Variants in BTNL8 observed in about 807,000 individuals in gnomAD.
BTNL8 encodes the protein butyrophilin like 8.
Under a neutral mutation model 36.1 loss-of-function variants are expected in BTNL8, and 22 were observed. That is an observed-to-expected ratio of 0.61 (90% CI 0.44 to 0.87). BTNL8 has a LOEUF of 0.87. Among genes scored for constraint, BTNL8 ranks in the 40% least tolerant of loss-of-function variants. The probability of loss-of-function intolerance (pLI) is 0.00; values close to 1 mark genes in which losing one functional copy is unlikely to be tolerated. For synonymous variants in BTNL8, 203 were observed against 235.6 expected (o/e 0.86, Z 1.27); for missense variants, 526 against 616.9 (o/e 0.85, Z 1.56).
At chr5:180,949,568 A>C (rs1759450074) in intron 7 of BTNL8, 1 of 530,382 alleles carries the variant, frequency 1.9e-6, no homozygotes, top group Admixed American at 3.7e-5. Context: ...GGAAGGAAGT[A>C]AAGTCAGGCA....
chr5:180,904,945 T>C (rs1359261543), intron 1 of BTNL8, among the ~76,000 whole-genome samples: 2 of 151,404 alleles, frequency 1.3e-5, no homozygotes, highest in Non-Finnish European at 3.0e-5. Flanking sequence ...TTATTGAGGA[T>C]TTTTGCATCA....
chr5:180,899,442 G>A, intron 1 of BTNL8, 83 bp downstream of exon 1: 4 of 1,466,386 alleles, frequency 2.7e-6, no homozygotes, highest in South Asian at 2.3e-5. Flanking sequence ...TGGAATGAAG[G>A]CATCTTTGTC....
At chr5:180,902,286 C>T (rs1411636914) in intron 1 of BTNL8, 3 of 1,454,386 alleles carry the variant, frequency 2.1e-6, no homozygotes, top group African/African-American at 1.4e-5. Context: ...ACTTTTTCCT[C>T]TGGATAACAT....
rs1249060202 is a variant in BTNL8, at chr5:180,908,606, C to A, written c.70C>A (p.Pro24Thr). 6.2e-7 allele frequency: 1 copy of A among 1,613,824 alleles called. No homozygotes were observed. Among genetic ancestry groups the A allele is most frequent in the Non-Finnish European group, 8.5e-7 (1 of 1,179,876 alleles). ...CACAGGGCAGTGGCAGGTGTTTGGG[C>A]CAGACAAGCCTGTCCAGGCCTTGGT... ...LGSGQWQVFG[P>T]DKPVQALVGE... The change falls in exon 2 of 8, where the codon CCA becomes ACA. Residue 24 changes from proline to threonine, a missense_variant. Around this residue, in one of 2 missense-constraint regions of BTNL8, gnomAD observed 350 missense variants for 324.6 expected, o/e 1.08. Transcript: ENST00000340184.
rs370357739 is a variant in BTNL8, at chr5:180,950,290, A to G, written c.1249A>G (p.Thr417Ala). Residue 417 changes from threonine to alanine, a missense_variant, in exon 8 of 8, where the codon ACC (threonine) becomes GCC (alanine). This residue lies in a region of BTNL8 where 176 missense variants were observed against 292.3 expected (regional missense o/e 0.60). Coordinates refer to ENST00000340184, the MANE Select transcript of BTNL8 (RefSeq NM_001040462.3). ...IGVFLDYECG[T>A]ISFFNINDQS... ...GGTCTTCCTGGACTATGAGTGTGGG[A>G]CCATCTCCTTCTTCAACATAAATGA... 1.0e-5 allele frequency: 15 copies of G among 1,463,482 alleles called. 4 individuals are homozygous for G. The highest frequency in any genetic ancestry group is 1.4e-5 in the Non-Finnish European group (15 of 1,059,100). 90.7% of individuals were successfully genotyped at this position (1,463,482 alleles called of 1,614,324 possible).
At chr5:180,909,843 C>T (rs1461817279) in intron 2 of BTNL8, 1 of 152,606 alleles carries the variant, frequency 6.6e-6, no homozygotes, top group Non-Finnish European at 1.5e-5. Flanking sequence ...AGTGGGGCTG[C>T]TCTGACGGTA....
intron 1 of BTNL8, among the ~76,000 whole-genome samples, chr5:180,900,686 T>C (rs1168911784): frequency 1.3e-5 from 2 of 152,096 alleles, no homozygotes; most frequent in Admixed American, 6.5e-5. Context: ...CAGTGATTCG[T>C]TGAGCAGGTG....
chr5:180,901,492 C>G (rs142524172), intron 1 of BTNL8, among the ~76,000 whole-genome samples: 1 of 152,228 alleles, frequency 6.6e-6, no homozygotes, highest in African/African-American at 2.4e-5. Context: ...GATTGTTAAA[C>G]AGATGAGCAA....
intron 3 of BTNL8, among the ~76,000 whole-genome samples, chr5:180,940,090 T>A (rs1758851119): frequency 1.3e-5 from 2 of 152,174 alleles, no homozygotes; most frequent in African/African-American, 2.4e-5. Context: ...CTCATGCCTG[T>A]AATCCCAGCA....
rs774635510 is a variant in BTNL8, at chr5:180,911,296, G to C, written c.398-43G>C. On this transcript the variant is annotated intron_variant, in intron 2 of 7. Coordinates refer to ENST00000340184, the MANE Select transcript of BTNL8 (RefSeq NM_001040462.3). ...CTGACTCAGAATTGCTGTGGCTTTG[G>C]GATGTGATCTTTGCTTTCAACCGTT... 1.2e-5 allele frequency: 20 copies of C among 1,602,450 alleles called. No individual in the cohort carries two copies. In the Admixed American group the frequency reaches 2.0e-4, roughly 16 times the overall value.
chr5:180,908,818 G>C lies in BTNL8; in HGVS notation c.282G>C (p.Glu94Asp). The C allele has an allele frequency of 3.1e-6, 5 of 1,614,200 alleles. No individual in the cohort carries two copies. The highest frequency in any genetic ancestry group is 4.2e-6 in the Non-Finnish European group (5 of 1,180,040). The part of the protein sequence containing the change: ...RTKLVKDSIA[E>D]GRISLRLENI... Reference sequence around the variant, plus strand: ...AACTGGTGAAGGATTCTATTGCGGAGGGGCGCATCTCTCTGAGGCTGGAAA... The same window carrying C: ...AACTGGTGAAGGATTCTATTGCGGACGGGCGCATCTCTCTGAGGCTGGAAA... Residue 94 changes from glutamate to aspartate, a missense_variant, in exon 2 of 8, where the codon GAG becomes GAC. Coordinates refer to ENST00000340184, the MANE Select transcript of BTNL8 (RefSeq NM_001040462.3).
chr5:180,907,832 G>T lies in BTNL8; in HGVS notation c.50-754G>T, dbSNP rs1005102925. 2.6e-3 allele frequency among the ~76,000 whole-genome samples: 388 copies of T among 151,316 alleles called. 3 individuals are homozygous for T. The highest frequency in any genetic ancestry group is 0.01 in the Admixed American group (153 of 15,218). On this transcript the variant is annotated intron_variant, in intron 1 of 7. Coordinates refer to ENST00000340184, the MANE Select transcript of BTNL8 (RefSeq NM_001040462.3). ...GGGTGCCTCCCAGTTAGGCTGCTCG[G>T]GGGTCAGGGGTCAGGGACTCACTTG...
chr5:180,909,737 ATG>A, intron 2 of BTNL8: 1 of 285,920 alleles, frequency 3.5e-6, no homozygotes, highest in Non-Finnish European at 5.2e-6. Flanking sequence ...AAAAAAGAAG[ATG>A]AAAGAAGGAA....
At chr5:180,912,155 A>C (rs1324638822) in intron 3 of BTNL8, among the ~76,000 whole-genome samples, 1 of 152,142 alleles carries the variant, frequency 6.6e-6, no homozygotes, top group Non-Finnish European at 1.5e-5. Context: ...TCAGACTCAA[A>C]CTGAACCACT....
chr5:180,910,939 T>C (rs538689859), intron 2 of BTNL8, among the ~76,000 whole-genome samples: 2 of 152,134 alleles, frequency 1.3e-5, no homozygotes, highest in South Asian at 4.1e-4. Flanking sequence ...CAGGGAGGGG[T>C]TGGCATCTTC....
chr5:180,926,778 C>T (rs554971876), intron 3 of BTNL8, among the ~76,000 whole-genome samples: 1 of 152,324 alleles, frequency 6.6e-6, no homozygotes, highest in South Asian at 2.1e-4. Flanking sequence ...CTAGATTCCT[C>T]CTTTCTGGGC....
At chr5:180,947,936 T>C (rs1759355829) in intron 4 of BTNL8, 6 of 871,618 alleles carry the variant, frequency 6.9e-6, no homozygotes, top group East Asian at 2.5e-5. Context: ...AGTTTTAATG[T>C]GGTGAACAAA....
At chr5:180,944,096 C>T (rs567493833) in intron 3 of BTNL8, among the ~76,000 whole-genome samples, 36 of 152,070 alleles carry the variant, frequency 2.4e-4, no homozygotes, top group Admixed American at 3.9e-4. Context: ...CATGATCTCA[C>T]CCACATATGG....
chr5:180,948,579 C>T, intron 5 of BTNL8: 1 of 1,277,994 alleles, frequency 7.8e-7, no homozygotes, highest in South Asian at 1.3e-5. Context: ...GGCCCCGGGG[C>T]CTGGAAGTCC....
Sources: gnomAD v4.1 joint callset for allele counts (sites outside exome capture counted in the v4.1 genomes callset) on GRCh38, gnomAD v4.1.1 for gene constraint, gnomAD v4.1.1 regional missense constraint, MANE v1.5 for transcripts, NCBI Gene and HGNC (gene_info 2026-07-23, HGNC 2026-07-21) for gene names.